ARHGAP10: variants seen among roughly 807,000 people sequenced by gnomAD.
The protein encoded by ARHGAP10 is Rho GTPase activating protein 10, also known as rho GTPase-activating protein 10.
ARHGAP10 carries 87 observed loss-of-function variants against 108.6 expected under a neutral mutation model. The observed-to-expected ratio is 0.80, with a 90% CI of 0.67 to 0.96. The LOEUF is 0.96. ARHGAP10 is among the 40% of genes least tolerant of loss of function. The pLI is 0.00. For synonymous variants in ARHGAP10, 347 were observed against 341.1 expected, an observed-to-expected ratio of 1.02 and a Z score of -0.19; for missense variants, 939 against 954.5, an observed-to-expected ratio of 0.98 and a Z score of 0.21.
chr4:147,931,694 G>T lies in ARHGAP10; in HGVS notation c.1229-8131G>T, dbSNP rs373525936. Among the ~76,000 whole-genome samples, 39 of 152,262 alleles carry T rather than the reference G, an allele frequency of 2.6e-4. No homozygotes were observed. In the South Asian group the frequency reaches 7.2e-3, roughly 28 times the overall value. On this transcript the variant is annotated intron_variant, in intron 13 of 22. Coordinates refer to ENST00000336498, the MANE Select transcript of ARHGAP10 (RefSeq NM_024605.4). ...ACGATTCTTCATCTGAAAATTCCAAGGCTAGGTGTGTTTTGGAATTCAGAC... is the reference window on the plus strand; with the variant it reads ...ACGATTCTTCATCTGAAAATTCCAATGCTAGGTGTGTTTTGGAATTCAGAC...
intron 7 of ARHGAP10, among the ~76,000 whole-genome samples, chr4:147,870,858 G>A (rs1243114395): frequency 6.6e-6 from 1 of 151,978 alleles, no homozygotes; most frequent in South Asian, 2.1e-4. Context: ...TGGGTAGGAA[G>A]TATTTAAGAA....
At chr4:147,860,097 C>T (rs1734252249) in intron 5 of ARHGAP10, among the ~76,000 whole-genome samples, 1 of 152,176 alleles carries the variant, frequency 6.6e-6, no homozygotes, top group South Asian at 2.1e-4. Context: ...TGATACTGAA[C>T]AAAGGCTTAG....
rs534999664 is a variant in ARHGAP10, at chr4:147,826,606, G to C, written c.312+3649G>C. ...TGGAAAATTTCAAACATGTACCAAA[G>C]TCGAGAGAAATATACAATGAAACTA... On this transcript the variant is annotated intron_variant, in intron 3 of 22. Coordinates refer to ENST00000336498, the MANE Select transcript of ARHGAP10 (RefSeq NM_024605.4). 3.3e-5 allele frequency among the ~76,000 whole-genome samples: 5 copies of C among 152,246 alleles called. No individual in the cohort carries two copies. In the South Asian group the frequency reaches 8.3e-4, roughly 25 times the overall value.
rs916069529 is a variant in ARHGAP10, at chr4:147,906,262, A to G, written c.1035-376A>G. ...TGTTCATAGCAGCACTGTTCACAACAGGCAAAAAGGTGGAAGCAACCCAAG... is the reference window on the plus strand; with the variant it reads ...TGTTCATAGCAGCACTGTTCACAACGGGCAAAAAGGTGGAAGCAACCCAAG... On this transcript the variant is annotated intron_variant, in intron 10 of 22. Transcript: ENST00000336498. Among the ~76,000 whole-genome samples, 4 of 152,248 alleles carry G rather than the reference A, an allele frequency of 2.6e-5. 1 individual carries two copies. Among genetic ancestry groups the G allele is most frequent in the African/African-American group, 9.6e-5 (4 of 41,464 alleles).
intron 3 of ARHGAP10, among the ~76,000 whole-genome samples, chr4:147,832,481 T>C (rs1467760977): frequency 6.6e-5 from 10 of 151,662 alleles, no homozygotes; most frequent in Non-Finnish European, 1.5e-4. Context: ...ACCCTGTCTC[T>C]GCTAAAATTA....
intron 15 of ARHGAP10, among the ~76,000 whole-genome samples, chr4:147,949,077 T>A (rs189580209): frequency 1.7e-3 from 265 of 152,324 alleles, no homozygotes; most frequent in African/African-American, 5.7e-3. Flanking sequence ...TCCCACTTTT[T>A]AATGATATAA....
At chr4:147,924,766 TTATC>T (rs1737393674) in intron 13 of ARHGAP10, among the ~76,000 whole-genome samples, 1 of 152,196 alleles carries the variant, frequency 6.6e-6, no homozygotes, top group Non-Finnish European at 1.5e-5. Context: ...CTCTGTGTCT[TTATC>T]ATCTGTGAAA....
At chr4:147,902,721 A>G (rs949205820) in intron 10 of ARHGAP10, among the ~76,000 whole-genome samples, 2 of 152,102 alleles carry the variant, frequency 1.3e-5, no homozygotes, top group Middle Eastern at 3.2e-3. Flanking sequence ...AGTCTGGGAG[A>G]CAGAGCGAAA....
chr4:148,000,489 A>G (rs571845449), intron 18 of ARHGAP10, among the ~76,000 whole-genome samples: 1 of 152,330 alleles, frequency 6.6e-6, no homozygotes, highest in Non-Finnish European at 1.5e-5. Context: ...TAGATCCTTG[A>G]GGAATCGCCA....
chr4:147,907,493 A>G (rs1406061904), intron 11 of ARHGAP10, among the ~76,000 whole-genome samples: 2 of 152,194 alleles, frequency 1.3e-5, no homozygotes. Context: ...CCAGTTCAGC[A>G]TTGTTGAGGG....
intron 14 of ARHGAP10, among the ~76,000 whole-genome samples, chr4:147,943,852 T>C (rs962699385): frequency 9.2e-5 from 14 of 152,196 alleles, no homozygotes; most frequent in Non-Finnish European, 1.8e-4. Context: ...TTGAAAACAG[T>C]GAAAATTTAA....
chr4:147,895,512 CAA>C lies in ARHGAP10; in HGVS notation c.1035-11104_1035-11103del, dbSNP rs70958593. On this transcript the variant is annotated intron_variant, in intron 10 of 22. Transcript: ENST00000336498. ...GTAATGAGATAATGAGACCCTGTCT[CAA>C]AAAAAAAAAAAAAAAAAAAAATTAG... is the stretch of plus-strand genomic sequence containing the variant. Among the ~76,000 whole-genome samples, 73 of 85,282 alleles carry C rather than the reference CAA, an allele frequency of 8.6e-4. No individual in the cohort carries two copies. In the South Asian group the frequency reaches 0.012, roughly 14 times the overall value. 55.9% of individuals were successfully genotyped at this position (85,282 alleles called of 152,430 possible).
At chr4:147,822,656 G>A in intron 1 of ARHGAP10, 71 bp from the exon 2 acceptor site, 1 of 1,458,314 alleles carries the variant, frequency 6.9e-7, no homozygotes, top group Non-Finnish European at 9.6e-7. Context: ...ACCAATTTTA[G>A]GAAGAATAAA....
intron 18 of ARHGAP10, among the ~76,000 whole-genome samples, chr4:148,017,280 G>T (rs1180852368): frequency 6.6e-6 from 1 of 152,266 alleles, no homozygotes; most frequent in East Asian, 1.9e-4. Flanking sequence ...ACGACCTAAA[G>T]TCAGACAAGG....
intron 14 of ARHGAP10, among the ~76,000 whole-genome samples, chr4:147,943,956 C>T (rs1386218960): frequency 6.6e-6 from 1 of 152,070 alleles, no homozygotes; most frequent in African/African-American, 2.4e-5. Context: ...GCTTATTTTT[C>T]CATAGACAGA....
intron 1 of ARHGAP10, among the ~76,000 whole-genome samples, chr4:147,807,270 G>A (rs1334656668): frequency 6.6e-6 from 1 of 152,024 alleles, no homozygotes; most frequent in Non-Finnish European, 1.5e-5. Context: ...GAAATATCCT[G>A]CATAACAGTA....
intron 10 of ARHGAP10, among the ~76,000 whole-genome samples, chr4:147,904,623 G>T (rs1736389288): frequency 6.6e-6 from 1 of 152,066 alleles, no homozygotes; most frequent in African/African-American, 2.4e-5. Flanking sequence ...TCTTAATCCA[G>T]TCTATCGTTG....
chr4:148,017,394 C>G (rs1454023415), intron 18 of ARHGAP10, among the ~76,000 whole-genome samples: 1 of 152,008 alleles, frequency 6.6e-6, no homozygotes, highest in African/African-American at 2.4e-5. Flanking sequence ...ATAATTCATT[C>G]CAAAACTAAA....
At chr4:147,869,998 T>TTTTTTTTGTGTGTG (rs1553958574) in intron 7 of ARHGAP10, among the ~76,000 whole-genome samples, 2 of 93,068 alleles carry the variant, frequency 2.1e-5, no homozygotes, top group African/African-American at 8.8e-5. Flanking sequence ...AAGTCCCAGT[T>TTTTTTTTGTGTGTG]TGTGTGTGTG....
Sources: allele counts gnomAD v4.1 joint callset (sites outside exome capture counted in the v4.1 genomes callset), GRCh38; gene constraint gnomAD v4.1.1; transcripts MANE v1.5; gene names NCBI Gene and HGNC (gene_info 2026-07-23, HGNC 2026-07-21).